NCALD: variants seen among roughly 807,000 people sequenced by gnomAD.
NCALD encodes the protein neurocalcin-delta.
Under a neutral mutation model 18.6 loss-of-function variants are expected in NCALD, and 10 were observed. The observed-to-expected ratio is 0.54, with a 90% confidence interval of 0.33 to 0.91. The LOEUF is 0.91. Among genes scored for constraint, NCALD ranks in the 40% least tolerant of loss-of-function variants. NCALD has a pLI of 0.03. For synonymous variants in NCALD, 88 were observed against 87.4 expected, an observed-to-expected ratio of 1.01 and a Z score of -0.04; for missense variants, 184 against 247.6, an observed-to-expected ratio of 0.74 and a Z score of 1.72.
chr8:101,718,237 A>ATTTAT (rs995746374), intron 2 of NCALD, among the ~76,000 whole-genome samples: 2 of 152,094 alleles, frequency 1.3e-5, no homozygotes, highest in African/African-American at 4.8e-5. Context: ...CCTTCCTTTT[A>ATTTAT]TTTATTTCAT....
chr8:101,702,750 T>A (rs1156416774), intron 2 of NCALD, among the ~76,000 whole-genome samples: 1 of 152,220 alleles, frequency 6.6e-6, no homozygotes, highest in East Asian at 1.9e-4. Flanking sequence ...AGTGGCCTCA[T>A]GGATATTGGA....
intron 2 of NCALD, among the ~76,000 whole-genome samples, chr8:101,926,787 G>C (rs1344275365): frequency 6.6e-6 from 1 of 152,158 alleles, no homozygotes; most frequent in Non-Finnish European, 1.5e-5. Context: ...TTAGGGTTAG[G>C]GATAAGGAGG....
chr8:101,984,960 C>T (rs1461801097), intron 2 of NCALD, among the ~76,000 whole-genome samples: 1 of 152,134 alleles, frequency 6.6e-6, no homozygotes, highest in Non-Finnish European at 1.5e-5. Flanking sequence ...TGGACACCAG[C>T]CCTTTAAGTA....
intron 1 of NCALD, among the ~76,000 whole-genome samples, chr8:102,072,887 A>C (rs1014468279): frequency 2.6e-5 from 4 of 152,178 alleles, no homozygotes; most frequent in Non-Finnish European, 2.9e-5. Context: ...TCATAAGTGT[A>C]AATTCATACA....
chr8:102,103,611 G>T (rs573528421), intron 1 of NCALD, among the ~76,000 whole-genome samples: 1 of 151,998 alleles, frequency 6.6e-6, no homozygotes, highest in South Asian at 2.1e-4. Flanking sequence ...CTGGAGGGTG[G>T]TGGTGCAGTC....
intron 4 of NCALD, among the ~76,000 whole-genome samples, chr8:101,804,765 TTACTG>T: frequency 6.7e-6 from 1 of 150,160 alleles, no homozygotes. Flanking sequence ...ACTTAATAGA[TTACTG>T]TATAGTATAA....
In NCALD at chr8:101,914,713, G is replaced by A. The variant is rs1310799823; in HGVS notation, c.-107+1096C>T. The stretch of plus-strand genomic sequence containing the variant: ...ATCTTTGGACATTGAAAGTACTTTC[G>A]ATTGGGTCCTGTATTCTTTTCACAT... On this transcript the variant is annotated intron_variant, in intron 3 of 6. Coordinates refer to the NCALD transcript ENST00000311028. 3.3e-5 allele frequency among the ~76,000 whole-genome samples: 5 copies of A among 152,138 alleles called. No homozygotes were observed. In the South Asian group the frequency reaches 6.2e-4, roughly 19 times the overall value.
At chr8:102,096,355 A>C (rs1437102011) in intron 1 of NCALD, among the ~76,000 whole-genome samples, 2 of 152,206 alleles carry the variant, frequency 1.3e-5, no homozygotes, top group African/African-American at 2.4e-5. Context: ...TAAGGACACC[A>C]GTATTGGATC....
At chr8:102,081,943 C>G (rs1824552261) in intron 1 of NCALD, among the ~76,000 whole-genome samples, 1 of 152,110 alleles carries the variant, frequency 6.6e-6, no homozygotes, top group Non-Finnish European at 1.5e-5. Flanking sequence ...TGGCCCCAAC[C>G]TACTGCTTTG....
Position 101,987,085 on chromosome 8 carries a change from A to C in NCALD, c.-157+33152T>G, listed in dbSNP as rs145906826. Among the ~76,000 whole-genome samples, 541 of 152,334 alleles carry C rather than the reference A, an allele frequency of 3.6e-3. 6 individuals are homozygous for C. The highest frequency in any genetic ancestry group is 0.012 in the African/African-American group (508 of 41,574). On this transcript the variant is annotated intron_variant, in intron 2 of 6. Transcript: ENST00000311028. Reference sequence around the variant, plus strand: ...TAGACAGTATTTAGTGCAAACCTTCATGTCACAGATGAAGACAGTAAAACT... The same window carrying C: ...TAGACAGTATTTAGTGCAAACCTTCCTGTCACAGATGAAGACAGTAAAACT...
chr8:102,089,822 T>A (rs1249360008), intron 1 of NCALD, among the ~76,000 whole-genome samples: 2 of 152,250 alleles, frequency 1.3e-5, no homozygotes, highest in African/African-American at 4.8e-5. Context: ...AAATTCTGTG[T>A]GTGAACTAAA....
chr8:101,796,397 G>C (rs1464841341), intron 4 of NCALD, among the ~76,000 whole-genome samples: 1 of 152,138 alleles, frequency 6.6e-6, no homozygotes, highest in East Asian at 1.9e-4. Context: ...TTCATTTTCT[G>C]TAATCATCAG....
intron 1 of NCALD, among the ~76,000 whole-genome samples, chr8:102,099,627 TAA>T (rs11311408): frequency 8.6e-4 from 121 of 140,822 alleles, no homozygotes; most frequent in African/African-American, 1.8e-3. Flanking sequence ...TTGTCATTAA[TAA>T]AAAAAAAAAA....
intron 2 of NCALD, among the ~76,000 whole-genome samples, chr8:101,709,305 C>A (rs888052937): frequency 2.6e-5 from 4 of 152,190 alleles, no homozygotes; most frequent in African/African-American, 9.7e-5. Flanking sequence ...CTTATGTTCC[C>A]TGCCTCCAGA....
At chr8:101,999,517 G>C (rs1482063723) in intron 2 of NCALD, among the ~76,000 whole-genome samples, 1 of 152,116 alleles carries the variant, frequency 6.6e-6, no homozygotes, top group Non-Finnish European at 1.5e-5. Flanking sequence ...GGGGACTCGG[G>C]GGAAAGGGTA....
At chr8:102,058,373 C>T (rs987548905) in intron 1 of NCALD, among the ~76,000 whole-genome samples, 2 of 152,108 alleles carry the variant, frequency 1.3e-5, no homozygotes, top group Non-Finnish European at 2.9e-5. Context: ...GTGAGTTAGA[C>T]AGATAAATAA....
chr8:101,847,716 TG>T (rs1814926375), intron 4 of NCALD, among the ~76,000 whole-genome samples: 1 of 152,180 alleles, frequency 6.6e-6, no homozygotes, highest in African/African-American at 2.4e-5. Context: ...GGTGCAGCTT[TG>T]AAGACAGGAA....
intron 1 of NCALD, among the ~76,000 whole-genome samples, chr8:102,111,852 A>AGGGGATTTTTTT (rs1825650937): frequency 6.6e-6 from 1 of 152,214 alleles, no homozygotes. Flanking sequence ...AAAAATCTTT[A>AGGGGATTTTTTT]CGTAAAAATA....
chr8:101,774,228 T>C (rs1216974577), intron 1 of NCALD, among the ~76,000 whole-genome samples: 2 of 152,196 alleles, frequency 1.3e-5, no homozygotes, highest in African/African-American at 4.8e-5. Flanking sequence ...AAGAATACAA[T>C]ATCTTGAAAT....
Sources: allele counts gnomAD v4.1 joint callset (sites outside exome capture counted in the v4.1 genomes callset), GRCh38; gene constraint gnomAD v4.1.1; transcripts MANE v1.5; gene names NCBI Gene and HGNC (gene_info 2026-07-23, HGNC 2026-07-21).